EMILIN2: variants seen among roughly 807,000 people sequenced by gnomAD.
EMILIN2 encodes EMILIN-2.
EMILIN2 carries 71 observed loss-of-function variants against 87.1 expected under a neutral mutation model. The observed-to-expected ratio is 0.82, with a 90% CI of 0.67 to 0.99. The LOEUF (loss-of-function observed/expected upper bound fraction) is 0.99, where lower values mean the gene tolerates loss of function less well. EMILIN2 is among the 50% of genes least tolerant of loss of function. The pLI, the probability that EMILIN2 is intolerant of heterozygous loss-of-function variation, is 0.00. For missense variants in EMILIN2, 1,407 were observed against 1,371.8 expected, an observed-to-expected ratio of 1.03 and a Z score of -0.40; for synonymous variants, 581 against 563.4, an observed-to-expected ratio of 1.03 and a Z score of -0.44.
chr18:2,910,687 C>T (rs995200125), intron 7 of EMILIN2, among the ~76,000 whole-genome samples: 1 of 152,048 alleles, frequency 6.6e-6, no homozygotes, highest in Non-Finnish European at 1.5e-5. Context: ...ACCCATAAGC[C>T]ACTGGGAGGG....
chr18:2,847,819 G>T lies in EMILIN2; in HGVS notation c.145G>T (p.Ala49Ser). 2 of 1,613,232 alleles carry T rather than the reference G, an allele frequency of 1.2e-6. No homozygotes were observed. The highest frequency in any genetic ancestry group is 1.7e-6 in the Non-Finnish European group (2 of 1,179,776). ...TCTCCTGCACCCCAGGAACTGGTGCGCCTACATCGTGAACAAGAATGTGAG... is the reference window on the plus strand; with the variant it reads ...TCTCCTGCACCCCAGGAACTGGTGCTCCTACATCGTGAACAAGAATGTGAG... ...RPSARNKNWCAYIVNKNVSCS... is the reference protein window; with the variant it reads ...RPSARNKNWCSYIVNKNVSCS... The change falls in exon 2 of 8, where the codon GCC becomes TCC. Residue 49 changes from alanine (A) to serine (S), a missense_variant. Physicochemically the swap from Ala to Ser is moderately conservative, Grantham distance 99 (BLOSUM62 1). Coordinates refer to ENST00000254528, the MANE Select transcript of EMILIN2 (RefSeq NM_032048.3). This position sits in a 1 kb window ranked among gnomAD's most constrained non-coding sequence, Gnocchi z 4.5.
rs1394560711 is a variant in EMILIN2 at position 2,915,857 on chromosome 18, G to GA, written c.*2457dup. On this transcript the variant is annotated 3_prime_UTR_variant, in exon 8 of 8. Coordinates refer to ENST00000254528, the MANE Select transcript of EMILIN2 (RefSeq NM_032048.3). ...ACTTCTGATATCAAGTTGTTGCTGA[G>GA]AAAAGGTCAGGACACTTCTTAAGTA... 1 of 152,184 alleles carries GA rather than the reference G, an allele frequency of 6.6e-6. No individual in the cohort carries two copies. Among genetic ancestry groups the GA allele is most frequent in the South Asian group, 2.1e-4 (1 of 4,832 alleles). 9.4% of individuals were successfully genotyped at this position (152,184 alleles called of 1,614,324 possible).
At chr18:2,892,599 T>C (rs1598500440) in intron 4 of EMILIN2, 113 bp downstream of exon 4, 1 of 1,393,098 alleles carries the variant, frequency 7.2e-7, no homozygotes, top group East Asian at 2.4e-5. Flanking sequence ...GAGGTAAAAA[T>C]GTGACAGTAT....
chr18:2,900,386 G>A (rs865880651), intron 4 of EMILIN2, among the ~76,000 whole-genome samples: 18 of 152,268 alleles, frequency 1.2e-4, no homozygotes, highest in Non-Finnish European at 1.6e-4. Flanking sequence ...ACAGAGTCTG[G>A]CTATGTTGAA....
intron 4 of EMILIN2, among the ~76,000 whole-genome samples, chr18:2,905,659 A>G (rs953191229): frequency 2.3e-4 from 35 of 151,784 alleles, no homozygotes; most frequent in African/African-American, 8.5e-4. Flanking sequence ...GCTGGAGTGC[A>G]GCGGGCGATC....
chr18:2,868,000 C>T (rs1449492157), intron 2 of EMILIN2, among the ~76,000 whole-genome samples: 1 of 151,932 alleles, frequency 6.6e-6, no homozygotes, highest in African/African-American at 2.4e-5. Flanking sequence ...CACCTCCCTC[C>T]CGGACGGGGT....
At chr18:2,868,422 C>G (rs533817908) in intron 2 of EMILIN2, among the ~76,000 whole-genome samples, 8 of 152,332 alleles carry the variant, frequency 5.3e-5, no homozygotes, top group African/African-American at 1.7e-4. Flanking sequence ...ACTGCAATCT[C>G]GGCTCTTTGG....
chr18:2,847,394 C>T lies in EMILIN2; in HGVS notation c.134+72C>T. The T allele has an allele frequency of 8.0e-7, 1 of 1,242,706 alleles. No individual in the cohort carries two copies. Among genetic ancestry groups the T allele is most frequent in the Non-Finnish European group, 1.0e-6 (1 of 987,342 alleles). The allele number at this position is 1,242,706 out of a possible 1,614,324, so 77.0% of individuals were successfully genotyped here. On this transcript the variant is annotated intron_variant, in intron 1 of 7. Transcript: ENST00000254528. This position sits in a 1 kb window ranked among gnomAD's most constrained non-coding sequence, Gnocchi z 4.5. ...GGCCCCCAGTTGAGCCCCAGAGCTG[C>T]CCTGCCAAAGACGACGAGCGGCAGC...
intron 2 of EMILIN2, among the ~76,000 whole-genome samples, chr18:2,870,028 C>T (rs147677256): frequency 1.1e-3 from 160 of 152,076 alleles, no homozygotes; most frequent in African/African-American, 3.3e-3. Context: ...ATCACTTGGG[C>T]TCAGGTGTTA....
At chr18:2,859,223 A>G (rs2076648566) in intron 2 of EMILIN2, among the ~76,000 whole-genome samples, 2 of 152,036 alleles carry the variant, frequency 1.3e-5, no homozygotes, top group Admixed American at 1.3e-4. Context: ...ATACAAGCCA[A>G]TATCTATTAT....
chr18:2,860,249 T>A lies in EMILIN2; in HGVS notation c.257+12318T>A, dbSNP rs540825089. On this transcript the variant is annotated intron_variant, in intron 2 of 7. Transcript: ENST00000254528. ...TATGTCATCTATGATTCCTTTTTTT[T>A]AATATACTTTAAGTTTTAGGGTACA... Among the ~76,000 whole-genome samples, 21 of 152,290 alleles carry A rather than the reference T, an allele frequency of 1.4e-4. 1 individual carries two copies. The highest frequency in any genetic ancestry group is 4.8e-4 in the African/African-American group (20 of 41,560).
In EMILIN2 at chr18:2,847,310, G is replaced by A; in HGVS notation, c.122G>A (p.Ser41Asn). The change falls in exon 1 of 8, where the codon AGC (serine) becomes AAC (asparagine). Residue 41 changes from serine (S) to asparagine (N), a missense_variant. By Grantham distance (46) the Ser-to-Asn change is conservative. Transcript: ENST00000254528. This position sits in a 1 kb window ranked among gnomAD's most constrained non-coding sequence, Gnocchi z 4.5. The stretch of plus-strand genomic sequence containing the variant: ...CAGCCCGGGTATCCCGCGCGGCCCA[G>A]CGCCAGGAACAAGTAAGTGCGCGCC... ...GPQPGYPARP[S>N]ARNKNWCAYI... is the part of the protein sequence containing the mutation. 7.6e-7 allele frequency: 1 copy of A among 1,318,682 alleles called. No homozygotes were observed. The highest frequency in any genetic ancestry group is 9.6e-7 in the Non-Finnish European group (1 of 1,037,102). 81.7% of individuals were successfully genotyped at this position (1,318,682 alleles called of 1,614,324 possible).
chr18:2,873,631 C>A (rs1035304877), intron 2 of EMILIN2, among the ~76,000 whole-genome samples: 1 of 151,838 alleles, frequency 6.6e-6, no homozygotes, highest in Non-Finnish European at 1.5e-5. Flanking sequence ...GGCGTGAACC[C>A]GGGAGGCGGA....
rs926601312 is a variant in EMILIN2 at position 2,914,342 on chromosome 18, C to T, written c.*938C>T. 1 of 152,164 alleles carries T rather than the reference C, an allele frequency of 6.6e-6. No individual in the cohort carries two copies. Among genetic ancestry groups the T allele is most frequent in the Admixed American group, 6.5e-5 (1 of 15,276 alleles). The allele number at this position is 152,164 out of a possible 1,614,324, so 9.4% of individuals were successfully genotyped here. On this transcript the variant is annotated 3_prime_UTR_variant, in exon 8 of 8. Transcript: ENST00000254528. ...TCCTCTGGGGATGCTGCACTCAGAT[C>T]CCACAGCAGCTGCCCAGGCTAACTT...
chr18:2,859,516 G>A (rs1229690328), intron 2 of EMILIN2, among the ~76,000 whole-genome samples: 1 of 152,058 alleles, frequency 6.6e-6, no homozygotes. Context: ...CTACTCTGTG[G>A]GTTGTCTGTT....
chr18:2,872,370 T>C (rs9950998), intron 2 of EMILIN2, among the ~76,000 whole-genome samples: 33,470 of 152,074 alleles, frequency 0.22, 6,905 homozygotes, highest in African/African-American at 0.55. Flanking sequence ...GTGAGAGATA[T>C]AGTCTTTGAA....
At chr18:2,869,151 A>C (rs914651328) in intron 2 of EMILIN2, among the ~76,000 whole-genome samples, 1 of 152,216 alleles carries the variant, frequency 6.6e-6, no homozygotes, top group African/African-American at 2.4e-5. Flanking sequence ...ACAAAGACTT[A>C]ATGATGCTGA....
At chr18:2,882,609 C>G (rs921960167) in intron 2 of EMILIN2, among the ~76,000 whole-genome samples, 2 of 151,806 alleles carry the variant, frequency 1.3e-5, no homozygotes, top group Non-Finnish European at 2.9e-5. Flanking sequence ...TGGCTGGGCA[C>G]AGTGGCTCAC....
At position 2,864,359 on chromosome 18, in the gene EMILIN2, C is replaced by T. The variant is rs187530801; in HGVS notation, c.257+16428C>T. On this transcript the variant is annotated intron_variant, in intron 2 of 7. Coordinates refer to ENST00000254528, the MANE Select transcript of EMILIN2 (RefSeq NM_032048.3). ...GGCATGTTTTTGCAGTGGCTGGTAC[C>T]GGTTGTTCCTTTCCATATTTAGTGC... is the stretch of plus-strand genomic sequence containing the variant. Among the ~76,000 whole-genome samples, 468 of 152,176 alleles carry T rather than the reference C, an allele frequency of 3.1e-3. 5 individuals are homozygous for T. Among genetic ancestry groups the T allele is most frequent in the African/African-American group, 0.01 (432 of 41,498 alleles).
Sources: gnomAD v4.1 joint callset for allele counts (sites outside exome capture counted in the v4.1 genomes callset) on GRCh38, gnomAD v4.1.1 for gene constraint, Gnocchi (gnomAD v3.1) non-coding constraint, MANE v1.5 for transcripts, NCBI Gene and HGNC (gene_info 2026-07-23, HGNC 2026-07-21) for gene names.